The following ELOC variants were observed in gnomAD, a reference collection of about 807,000 sequenced individuals.
ELOC encodes elongin-C.
For missense variants in ELOC, 38 were observed against 139.0 expected, an observed-to-expected ratio of 0.27 and a Z score of 3.65; for synonymous variants, 40 against 51.3, an observed-to-expected ratio of 0.78 and a Z score of 0.94.
At chr8:73,959,647 G>A (rs1814457610) in intron 2 of ELOC, 118 bp downstream of exon 2, 1 of 816,414 alleles carries the variant, frequency 1.2e-6, no homozygotes, top group Non-Finnish European at 1.9e-6. Context: ...AGCTGTTGAT[G>A]TGGACAACTA....
intron 2 of ELOC, among the ~76,000 whole-genome samples, chr8:73,956,663 C>CA (rs11423499): frequency 0.69 from 105,267 of 152,016 alleles, 37,645 homozygotes; most frequent in African/African-American, 0.89. Flanking sequence ...AAGACTAAGA[C>CA]AAATATTTAA....
chr8:73,946,412 GTTTA>G lies in ELOC; in HGVS notation c.*214_*217del, dbSNP rs1470166435. On this transcript the variant is annotated 3_prime_UTR_variant, in exon 4 of 4. Coordinates refer to ENST00000520242, the MANE Select transcript of ELOC (RefSeq NM_005648.4). ...AAACCACCTACGAATTGGCATATTTGTTTATTTCTCAGTTTGTGAAAATGTCCTT... is the reference window on the plus strand; with the variant it reads ...AAACCACCTACGAATTGGCATATTTGTTTCTCAGTTTGTGAAAATGTCCTT... The G allele has an allele frequency of 6.8e-6, 3 of 438,088 alleles. No homozygotes were observed. Among genetic ancestry groups the G allele is most frequent in the Non-Finnish European group, 1.2e-5 (3 of 247,836 alleles). The allele number at this position is 438,088 out of a possible 1,614,324, so 27.1% of individuals were successfully genotyped here.
intron 3 of ELOC, among the ~76,000 whole-genome samples, chr8:73,954,651 CAAAAAAAAA>C (rs547357092): frequency 2.8e-5 from 3 of 106,460 alleles, no homozygotes; most frequent in African/African-American, 1.1e-4. Context: ...GACTCCGTCT[CAAAAAAAAA>C]AAAAAAAGAA....
chr8:73,967,624 C>T (rs1233310479), intron 1 of ELOC, among the ~76,000 whole-genome samples: 5 of 152,002 alleles, frequency 3.3e-5, no homozygotes, highest in African/African-American at 1.2e-4. Flanking sequence ...TGCATCACCA[C>T]GCCTAGCTAA....
intron 2 of ELOC, among the ~76,000 whole-genome samples, chr8:73,958,186 C>G (rs1453587423): frequency 6.6e-6 from 1 of 151,232 alleles, no homozygotes; most frequent in Non-Finnish European, 1.5e-5. Context: ...ACCTGCAACT[C>G]CTGGGTTCGA....
intron 3 of ELOC, among the ~76,000 whole-genome samples, chr8:73,953,723 G>C (rs1813941200): frequency 6.6e-6 from 1 of 151,296 alleles, no homozygotes; most frequent in African/African-American, 2.4e-5. Flanking sequence ...ATACAAACTG[G>C]AACCCTAGGA....
chr8:73,960,158 T>C (rs1193634545), intron 1 of ELOC, among the ~76,000 whole-genome samples: 1 of 152,202 alleles, frequency 6.6e-6, no homozygotes, highest in Non-Finnish European at 1.5e-5. Context: ...AAATGTTCAT[T>C]CCATTAAAAT....
chr8:73,953,844 C>T (rs183749206), intron 3 of ELOC, among the ~76,000 whole-genome samples: 378 of 152,198 alleles, frequency 2.5e-3, no homozygotes, highest in African/African-American at 8.7e-3. Flanking sequence ...TCTAAGAAGA[C>T]ACCCAAAAGA....
chr8:73,959,685 G>A, intron 2 of ELOC, 80 bp downstream of exon 2: 2 of 1,264,464 alleles, frequency 1.6e-6, no homozygotes, highest in Non-Finnish European at 2.2e-6. Context: ...TTTTACTTGT[G>A]TTCACTGAAT....
intron 1 of ELOC, chr8:73,964,623 ACT>A (rs1267768231): frequency 1.3e-5 from 2 of 152,070 alleles, no homozygotes; most frequent in African/African-American, 4.8e-5. Flanking sequence ...ACACAGCAAG[ACT>A]CTGTCTCAAA....
chr8:73,962,365 T>C (rs893155864), intron 1 of ELOC, among the ~76,000 whole-genome samples: 1 of 152,212 alleles, frequency 6.6e-6, no homozygotes, highest in Non-Finnish European at 1.5e-5. Context: ...CCTTCCATTA[T>C]TGCCTACTAC....
At chr8:73,962,911 TTC>T (rs1165699403) in intron 1 of ELOC, among the ~76,000 whole-genome samples, 1 of 152,200 alleles carries the variant, frequency 6.6e-6, no homozygotes, top group East Asian at 1.9e-4. Flanking sequence ...TAAAATATGA[TTC>T]AGTTTGGACC....
At chr8:73,970,275 G>A (rs149199964) in intron 1 of ELOC, among the ~76,000 whole-genome samples, 168 of 152,220 alleles carry the variant, frequency 1.1e-3, no homozygotes, top group African/African-American at 3.8e-3. Flanking sequence ...TAATAGCAAA[G>A]ATTTCCCTGA....
chr8:73,950,252 G>A (rs1253410411), intron 3 of ELOC, among the ~76,000 whole-genome samples: 3 of 152,158 alleles, frequency 2.0e-5, no homozygotes, highest in African/African-American at 7.2e-5. Context: ...ACATAAAAAT[G>A]AAGCAAATGG....
At chr8:73,951,674 A>C (rs534933912) in intron 3 of ELOC, among the ~76,000 whole-genome samples, 9 of 151,904 alleles carry the variant, frequency 5.9e-5, no homozygotes, top group Admixed American at 2.0e-4. Context: ...CAACAACAAC[A>C]ACAACAAAAC....
Position 73,959,754 on chromosome 8 carries a change from C to A in ELOC, c.4+11G>T. ...CTAGTTAAAACACAAAATTAATTAT[C>A]TTTAGCTTACCCATTTTGTTCTTAT... On this transcript the variant is annotated intron_variant, in intron 2 of 3. Coordinates refer to ENST00000520242, the MANE Select transcript of ELOC (RefSeq NM_005648.4). 6.4e-7 allele frequency: 1 copy of A among 1,558,486 alleles called. No homozygotes were observed. Among genetic ancestry groups the A allele is most frequent in the South Asian group, 1.2e-5 (1 of 81,274 alleles).
At chr8:73,960,462 G>C (rs1814514804) in intron 1 of ELOC, among the ~76,000 whole-genome samples, 1 of 152,122 alleles carries the variant, frequency 6.6e-6, no homozygotes, top group Non-Finnish European at 1.5e-5. Context: ...CTAACAAAAG[G>C]ACTCAGGACA....
chr8:73,966,508 C>A (rs1294885470), intron 1 of ELOC, among the ~76,000 whole-genome samples: 5 of 147,606 alleles, frequency 3.4e-5, no homozygotes, highest in Non-Finnish European at 7.4e-5. Context: ...TTTTTTGAGA[C>A]AAGTTCTTGC....
rs770978482 is a variant in ELOC at position 73,946,311 on chromosome 8, TATTG to T, written c.*315_*318del. The T allele has an allele frequency of 7.2e-5, 15 of 207,844 alleles. No homozygotes were observed. The highest frequency in any genetic ancestry group is 1.5e-4 in the Non-Finnish European group (15 of 103,442). The allele number at this position is 207,844 out of a possible 1,614,324, so 12.9% of individuals were successfully genotyped here. ...AGCCTCATTATTTCCCTGTAGAACGTATTGATTTACACCTAAATTTCAGTATTTA... is the reference window on the plus strand; with the variant it reads ...AGCCTCATTATTTCCCTGTAGAACGTATTTACACCTAAATTTCAGTATTTA... On this transcript the variant is annotated 3_prime_UTR_variant, in exon 4 of 4. Transcript: ENST00000520242.
Sources: allele counts gnomAD v4.1 joint callset (sites outside exome capture counted in the v4.1 genomes callset), GRCh38; gene constraint gnomAD v4.1.1; transcripts MANE v1.5; gene names NCBI Gene and HGNC (gene_info 2026-07-23, HGNC 2026-07-21).